Variants in CDH13 observed in about 807,000 individuals in gnomAD.
CDH13 encodes cadherin 13, also known as cadherin-13.
A neutral mutation model predicts 63.8 loss-of-function variants in CDH13; 24 were observed. The observed-to-expected ratio is 0.38, with a 90% confidence interval of 0.27 to 0.53. CDH13 has a LOEUF of 0.53. Among genes scored for constraint, CDH13 ranks in the 20% least tolerant of loss-of-function variants. The pLI is 0.85. For synonymous variants in CDH13, 503 were observed against 355.3 expected (o/e 1.42, Z -4.67); for missense variants, 1,049 against 903.1 (o/e 1.16, Z -2.07).
chr16:82,828,263 A>G (rs1014876827), intron 1 of CDH13, among the ~76,000 whole-genome samples: 2 of 152,176 alleles, frequency 1.3e-5, no homozygotes, highest in Admixed American at 6.5e-5. Context: ...TCTGTTTCAC[A>G]CACAGTCAGC....
intron 6 of CDH13, among the ~76,000 whole-genome samples, chr16:83,433,862 T>C (rs993420548): frequency 3.9e-5 from 6 of 152,186 alleles, no homozygotes; most frequent in African/African-American, 1.4e-4. Flanking sequence ...ATGATTTTTT[T>C]TTCCTCAGTG....
chr16:83,137,830 G>T (rs2036360998), intron 4 of CDH13, among the ~76,000 whole-genome samples: 1 of 152,104 alleles, frequency 6.6e-6, no homozygotes, highest in Non-Finnish European at 1.5e-5. Context: ...AGAACTGGAT[G>T]GAGATGGGAA....
At chr16:83,238,054 G>C (rs113799525) in intron 5 of CDH13, among the ~76,000 whole-genome samples, 3,749 of 152,156 alleles carry the variant, frequency 0.025, 160 homozygotes, top group African/African-American at 0.084. Flanking sequence ...TTGGAATCCT[G>C]GTTACCAAAT....
At chr16:83,107,184 G>T (rs1247852753) in intron 3 of CDH13, among the ~76,000 whole-genome samples, 1 of 152,156 alleles carries the variant, frequency 6.6e-6, no homozygotes, top group Non-Finnish European at 1.5e-5. Flanking sequence ...CTTGGGACTG[G>T]GTTCTAGTCA....
At chr16:82,865,070 C>A (rs190713699) in intron 2 of CDH13, among the ~76,000 whole-genome samples, 3 of 152,360 alleles carry the variant, frequency 2.0e-5, no homozygotes, top group South Asian at 2.1e-4. Context: ...ATACAGGTCA[C>A]CCTGATGCAA....
intron 2 of CDH13, among the ~76,000 whole-genome samples, chr16:83,007,825 AAAAAAAAAAAAAGAGAG>A (rs1448579973): frequency 2.0e-5 from 2 of 101,370 alleles, no homozygotes; most frequent in Non-Finnish European, 4.1e-5. Flanking sequence ...CGACTCTGTC[AAAAAAAAAAAAAGAGAG>A]AAAAGAAAAA....
intron 5 of CDH13, among the ~76,000 whole-genome samples, chr16:83,246,287 A>G (rs541035623): frequency 3.4e-4 from 52 of 152,288 alleles, no homozygotes; most frequent in African/African-American, 1.2e-3. Flanking sequence ...TGAACAAGAC[A>G]TAGTATTTTT....
intron 1 of CDH13, among the ~76,000 whole-genome samples, chr16:82,682,726 G>A (rs1597311766): frequency 6.6e-6 from 1 of 152,182 alleles, no homozygotes; most frequent in African/African-American, 2.4e-5. Context: ...TTTGCTAATG[G>A]AGATAATTAA....
intron 7 of CDH13, among the ~76,000 whole-genome samples, chr16:83,568,172 A>G (rs543952174): frequency 1.3e-5 from 2 of 151,184 alleles, no homozygotes; most frequent in East Asian, 1.9e-4. Flanking sequence ...ACGAAATGAC[A>G]CTCACCCCAA....
chr16:83,129,582 A>G (rs898641874), intron 4 of CDH13, among the ~76,000 whole-genome samples: 1 of 152,170 alleles, frequency 6.6e-6, no homozygotes, highest in African/African-American at 2.4e-5. Context: ...CACCACCCCC[A>G]GGGGATGGCA....
chr16:83,623,440 C>G (rs1371128215), intron 8 of CDH13, among the ~76,000 whole-genome samples: 1 of 152,228 alleles, frequency 6.6e-6, no homozygotes, highest in Non-Finnish European at 1.5e-5. Context: ...AGCCCCTCTT[C>G]TGGGGCTCCT....
chr16:82,697,616 G>A (rs889037941), intron 1 of CDH13, among the ~76,000 whole-genome samples: 12 of 151,564 alleles, frequency 7.9e-5, no homozygotes, highest in Non-Finnish European at 1.3e-4. Context: ...TTTTAGTAGA[G>A]ACGGGATTTC....
chr16:82,738,133 T>TTAGCC (rs1214433920), intron 1 of CDH13, among the ~76,000 whole-genome samples: 1 of 152,240 alleles, frequency 6.6e-6, no homozygotes, highest in Non-Finnish European at 1.5e-5. Flanking sequence ...TGACAGTCTG[T>TTAGCC]CCTCTGAGAT....
intron 4 of CDH13, among the ~76,000 whole-genome samples, chr16:83,154,545 G>T (rs1054289763): frequency 6.8e-6 from 1 of 147,522 alleles, no homozygotes; most frequent in Admixed American, 6.8e-5. Context: ...CCAACCTGGC[G>T]ACAGAGAGAC....
At chr16:82,887,438 TCCTTGGAGGACTG>T (rs1409782209) in intron 2 of CDH13, among the ~76,000 whole-genome samples, 3 of 152,090 alleles carry the variant, frequency 2.0e-5, no homozygotes, top group Non-Finnish European at 2.9e-5. Flanking sequence ...GGTTAGAAAA[TCCTTGGAGGACTG>T]CCTTTTCCAC....
chr16:83,563,876 G>A (rs1038402400), intron 7 of CDH13, among the ~76,000 whole-genome samples: 5 of 152,224 alleles, frequency 3.3e-5, no homozygotes, highest in African/African-American at 2.4e-5. Context: ...GGGATGGGTC[G>A]TTTTGTTTAT....
chr16:82,706,623 C>A (rs35497028), intron 1 of CDH13, among the ~76,000 whole-genome samples: 8 of 151,012 alleles, frequency 5.3e-5, no homozygotes, highest in Non-Finnish European at 1.2e-4. Flanking sequence ...GGTGAAACCC[C>A]GTCTCTACTA....
intron 2 of CDH13, among the ~76,000 whole-genome samples, chr16:82,878,137 C>T (rs1176094046): frequency 2.0e-5 from 3 of 152,136 alleles, no homozygotes; most frequent in East Asian, 1.9e-4. Context: ...CCCAAGGAAA[C>T]GTCAAACCCC....
chr16:83,388,674 T>C (rs2091726607), intron 6 of CDH13, among the ~76,000 whole-genome samples: 1 of 152,160 alleles, frequency 6.6e-6, no homozygotes, highest in Non-Finnish European at 1.5e-5. Context: ...CCCATCCAGA[T>C]TGTCTCCATT....
Sources: allele counts gnomAD v4.1 joint callset (sites outside exome capture counted in the v4.1 genomes callset), GRCh38; gene constraint gnomAD v4.1.1; transcripts MANE v1.5; gene names NCBI Gene and HGNC (gene_info 2026-07-23, HGNC 2026-07-21).